The following ZNF845 variants were observed in gnomAD, a reference collection of about 807,000 sequenced individuals.
The protein encoded by ZNF845 is zinc finger protein 845.
ZNF845 carries 59 observed loss-of-function variants against 76.1 expected under a neutral mutation model. The ratio of observed to expected loss-of-function variants is 0.78; its 90% CI spans 0.63 to 0.96. The LOEUF (loss-of-function observed/expected upper bound fraction) is 0.96, where lower values mean the gene tolerates loss of function less well. Among genes scored for constraint, ZNF845 ranks in the 40% least tolerant of loss-of-function variants. ZNF845 has a pLI of 0.00. For synonymous variants in ZNF845, 361 were observed against 386.9 expected, an observed-to-expected ratio of 0.93 and a Z score of 0.78; for missense variants, 1,045 against 1,172.8, an observed-to-expected ratio of 0.89 and a Z score of 1.59.
In ZNF845 at chr19:53,355,278, T is replaced by G. The variant is rs957511267; in HGVS notation, c.*1690T>G. 2 of 151,866 alleles carry G rather than the reference T, an allele frequency of 1.3e-5. No homozygotes were observed. The highest frequency in any genetic ancestry group is 4.8e-5 in the African/African-American group (2 of 41,336). The allele number at this position is 151,866 out of a possible 1,614,324, so 9.4% of individuals were successfully genotyped here. ...TAATTTTTTTTTTTGAGACAATGTC[T>G]CTCTCTGTCGCCAGGCTAGAGTGCC... On this transcript the variant is annotated 3_prime_UTR_variant, in exon 4 of 4. Transcript: ENST00000458035.
intron 1 of ZNF845, among the ~76,000 whole-genome samples, chr19:53,335,211 A>G (rs2085204804): frequency 6.6e-6 from 1 of 152,014 alleles, no homozygotes; most frequent in Admixed American, 6.6e-5. Context: ...GGGGCAGTGA[A>G]GTGGGAGAAA....
rs1408098364 is a variant in ZNF845 at position 53,352,540 on chromosome 19, T to C, written c.1865T>C (p.Leu622Pro). 6.2e-7 allele frequency: 1 copy of C among 1,607,106 alleles called. No homozygotes were observed. The highest frequency in any genetic ancestry group is 1.1e-5 in the South Asian group (1 of 90,528). ...AAATTTTTCAGACATCGTTCATACC[T>C]TGCAGTTCATTGGCGAACTCATAGT... ...CGKFFRHRSY[L>P]AVHWRTHSGE... The change falls in exon 4 of 4, where the codon CTT (leucine) becomes CCT (proline). Residue 622 changes from leucine to proline, a missense_variant. Coordinates refer to ENST00000458035, the MANE Select transcript of ZNF845 (RefSeq NM_138374.3).
In ZNF845 at chr19:53,356,659, G is replaced by A. The variant is rs1169057124; in HGVS notation, c.*3071G>A. On this transcript the variant is annotated 3_prime_UTR_variant, in exon 4 of 4. Transcript: ENST00000458035. ...AAATTTGTAAATGAGGCCGGGCGTG[G>A]TGGCTCACGCCTGTAATCCCAGCAC... 2.0e-5 allele frequency: 3 copies of A among 152,206 alleles called. No homozygotes were observed. The highest frequency in any genetic ancestry group is 1.3e-4 in the Admixed American group (2 of 15,266). The allele number at this position is 152,206 out of a possible 1,614,324, so 9.4% of individuals were successfully genotyped here. A position where few individuals can be genotyped will look rare whatever the true frequency, so the allele number is the denominator to read the frequency against.
chr19:53,339,475 TTC>T (rs1485097903), intron 1 of ZNF845, among the ~76,000 whole-genome samples: 2 of 152,218 alleles, frequency 1.3e-5, no homozygotes, highest in Non-Finnish European at 2.9e-5. Context: ...CCCTCAAGTC[TTC>T]CACCTTCGTG....
intron 2 of ZNF845, among the ~76,000 whole-genome samples, chr19:53,342,315 C>G (rs868445449): frequency 5.9e-5 from 9 of 152,130 alleles, no homozygotes; most frequent in Admixed American, 1.3e-4. Context: ...CGGGCTATCA[C>G]CATGTTGGCC....
At chr19:53,335,155 A>C (rs1275187701) in intron 1 of ZNF845, among the ~76,000 whole-genome samples, 1 of 152,190 alleles carries the variant, frequency 6.6e-6, no homozygotes, top group African/African-American at 2.4e-5. Context: ...GACTTAATTC[A>C]ATTGTGAGAG....
intron 3 of ZNF845, among the ~76,000 whole-genome samples, chr19:53,348,059 G>A (rs771694669): frequency 3.9e-5 from 6 of 152,092 alleles, no homozygotes; most frequent in Non-Finnish European, 7.4e-5. Context: ...GCATGGTGGC[G>A]GGCACCTGTT....
intron 2 of ZNF845, among the ~76,000 whole-genome samples, chr19:53,343,026 C>T (rs899634499): frequency 6.6e-6 from 1 of 152,054 alleles, no homozygotes; most frequent in Non-Finnish European, 1.5e-5. Flanking sequence ...ACCATGTTGG[C>T]CAGGCTGGTC....
intron 1 of ZNF845, among the ~76,000 whole-genome samples, chr19:53,335,784 TAG>T (rs2085209227): frequency 6.6e-6 from 1 of 152,050 alleles, no homozygotes; most frequent in East Asian, 1.9e-4. Flanking sequence ...GTGTTTTTAG[TAG>T]AGACGGGGTT....
intron 3 of ZNF845, among the ~76,000 whole-genome samples, chr19:53,347,849 T>C (rs2085307482): frequency 6.6e-6 from 1 of 152,052 alleles, no homozygotes; most frequent in East Asian, 1.9e-4. Context: ...GTCAGGAGTT[T>C]GAAACCAGTC....
rs1347539998 is a variant in ZNF845, at chr19:53,347,318, C to T, written c.142+1686C>T. Among the ~76,000 whole-genome samples the T allele has an allele frequency of 6.0e-5, 9 of 150,686 alleles. No homozygotes were observed. In the East Asian group the frequency reaches 1.8e-3, roughly 30 times the overall value. On this transcript the variant is annotated intron_variant, in intron 3 of 3. Transcript: ENST00000458035. ...TCTTGAGAAGGAGTCTGTCTGTTGCCCAGGCTGGAGTGCAGTGGCGCAGTC... is the reference window on the plus strand; with the variant it reads ...TCTTGAGAAGGAGTCTGTCTGTTGCTCAGGCTGGAGTGCAGTGGCGCAGTC...
Position 53,352,013 on chromosome 19 carries a change from A to T in ZNF845, c.1338A>T (p.Glu446Asp). The T allele has an allele frequency of 6.2e-7, 1 of 1,613,678 alleles. No individual in the cohort carries two copies. The highest frequency in any genetic ancestry group is 1.7e-5 in the Admixed American group (1 of 59,970). The change falls in exon 4 of 4, where the codon GAA becomes GAT. Residue 446 changes from glutamate (E) to aspartate (D), a missense_variant. Glu to Asp is a conservative substitution (Grantham distance 45, BLOSUM62 2). Transcript: ENST00000458035. ...CTTACAAATGTGAAGAATGTGATGAAGCTTTCAGTTTCAAATCGAACCTTG... is the reference window on the plus strand; with the variant it reads ...CTTACAAATGTGAAGAATGTGATGATGCTTTCAGTTTCAAATCGAACCTTG... ...EKPYKCEECD[E>D]AFSFKSNLER...
At chr19:53,348,560 T>A (rs969080079) in intron 3 of ZNF845, among the ~76,000 whole-genome samples, 2 of 152,214 alleles carry the variant, frequency 1.3e-5, no homozygotes, top group African/African-American at 4.8e-5. Context: ...TGCAGGAACA[T>A]CCTATTGGAG....
intron 1 of ZNF845, among the ~76,000 whole-genome samples, chr19:53,334,758 A>T (rs967343942): frequency 6.4e-4 from 97 of 150,530 alleles, no homozygotes; most frequent in African/African-American, 2.3e-3. Context: ...AAAAAAAAAA[A>T]ATTTAACTGG....
At position 53,353,982 on chromosome 19, in the gene ZNF845, C is replaced by A; in HGVS notation, c.*394C>A. 1 of 469,594 alleles carries A rather than the reference C, an allele frequency of 2.1e-6. No individual in the cohort carries two copies. The highest frequency in any genetic ancestry group is 3.8e-6 in the Non-Finnish European group (1 of 261,104). 29.1% of individuals were successfully genotyped at this position (469,594 alleles called of 1,614,324 possible). A position where few individuals can be genotyped will look rare whatever the true frequency, so the allele number is the denominator to read the frequency against. On this transcript the variant is annotated 3_prime_UTR_variant, in exon 4 of 4. Coordinates refer to ENST00000458035, the MANE Select transcript of ZNF845 (RefSeq NM_138374.3). ...TCATACCTTGCAGTTCATCGGTGAA[C>A]TCATGCTGGAGAGAAACCTTACAAA...
At chr19:53,336,019 G>C (rs1468551754) in intron 1 of ZNF845, among the ~76,000 whole-genome samples, 1 of 151,680 alleles carries the variant, frequency 6.6e-6, no homozygotes, top group Non-Finnish European at 1.5e-5. Flanking sequence ...CAAGACCAGC[G>C]TGACCAACAT....
At chr19:53,345,040 C>T (rs60534202) in intron 2 of ZNF845, among the ~76,000 whole-genome samples, 18,406 of 151,964 alleles carry the variant, frequency 0.12, 1,152 homozygotes, top group Middle Eastern at 0.21. Flanking sequence ...ATAAGAAGGC[C>T]GGTGTGGTGG....
chr19:53,335,134 C>T (rs766193240), intron 1 of ZNF845, among the ~76,000 whole-genome samples: 16 of 152,118 alleles, frequency 1.1e-4, no homozygotes, highest in Non-Finnish European at 1.5e-4. Context: ...CCTATTCAGC[C>T]AGAGGGTAGT....
chr19:53,341,554 G>C (rs961189948), intron 2 of ZNF845, among the ~76,000 whole-genome samples: 1 of 152,050 alleles, frequency 6.6e-6, no homozygotes, highest in African/African-American at 2.4e-5. Context: ...GGCTCACACC[G>C]AGACATGGAT....
Sources: allele counts gnomAD v4.1 joint callset (sites outside exome capture counted in the v4.1 genomes callset), GRCh38; gene constraint gnomAD v4.1.1; transcripts MANE v1.5; gene names NCBI Gene and HGNC (gene_info 2026-07-23, HGNC 2026-07-21).